The following FAM217B variants were observed in gnomAD, a reference collection of about 807,000 sequenced individuals.
FAM217B encodes family with sequence similarity 217 member B.
For missense variants in FAM217B, 463 were observed against 456.9 expected (o/e 1.01, Z -0.12); for synonymous variants, 163 against 173.0 (o/e 0.94, Z 0.45).
upstream of FAM217B, chr20:59,939,388 CACGCTCCAGGCACACGA>C: frequency 6.2e-7 from 1 of 1,610,772 alleles, no homozygotes; most frequent in Non-Finnish European, 8.5e-7. Flanking sequence ...GAGCAAGTGA[CACGCTCCAGGCACACGA>C]GCTGCCGCTG....
chr20:59,939,870 G>C (rs760032572), upstream of FAM217B: 4 of 1,247,526 alleles, frequency 3.2e-6, no homozygotes, highest in Non-Finnish European at 4.0e-6. Flanking sequence ...GAGGCTCCGG[G>C]GGCCGAGCTT....
upstream of FAM217B, chr20:59,939,963 G>A (rs781215957): frequency 2.4e-6 from 3 of 1,257,844 alleles, no homozygotes; most frequent in East Asian, 6.2e-5. Context: ...ATGAGGCAGG[G>A]ATGAGAGACG....
At chr20:59,934,171 G>A (rs1053519818) in intron 1 of FAM217B, among the ~76,000 whole-genome samples, 6 of 152,188 alleles carry the variant, frequency 3.9e-5, no homozygotes, top group South Asian at 4.1e-4. Context: ...GCTCCTGCCG[G>A]CAGGGGGCGC....
In FAM217B at chr20:59,944,949, G is replaced by C. The variant is rs1164511152; in HGVS notation, c.1006G>C (p.Ala336Pro). The C allele has an allele frequency of 6.2e-7, 1 of 1,614,062 alleles. No individual in the cohort carries two copies. The highest frequency in any genetic ancestry group is 1.3e-5 in the African/African-American group (1 of 74,914). The change falls in exon 4 of 4, where the codon GCA becomes CCA. Residue 336 changes from alanine to proline, a missense_variant. Transcript: ENST00000360816. ...PKQAAVILDS[A>P]DSCKASKTQA... ...ACAGGCAGCTGTGATTCTGGACTCA[G>C]CAGATTCCTGTAAGGCCTCCAAAAC...
chr20:59,944,913 C>T lies in FAM217B; in HGVS notation c.970C>T (p.Arg324Ter), dbSNP rs760895424. 1.2e-5 allele frequency: 19 copies of T among 1,614,034 alleles called. No individual in the cohort carries two copies. Among genetic ancestry groups the T allele is most frequent in the East Asian group, 6.7e-5 (3 of 44,880 alleles). ...TAAGGTGGAAACCAGCGGTCACATT[C>T]GAGTTCCCAAACAGGCAGCTGTGAT... ...SSKVETSGHI[R>*]VPKQAAVILD... is the part of the protein sequence containing the mutation. The change falls in exon 4 of 4, where the codon CGA (arginine) becomes TGA (stop). Residue 324 changes from arginine to a stop codon, truncating the protein, a stop_gained. Coordinates refer to ENST00000360816, the MANE Select transcript of FAM217B (RefSeq NM_022106.3). LOFTEE classifies it low-confidence loss of function (END_TRUNC).
chr20:59,946,620 CT>C lies in FAM217B; in HGVS notation c.*1529del, dbSNP rs542376619. 1,555 of 167,006 alleles carry C rather than the reference CT, an allele frequency of 9.3e-3. 19 individuals carry two copies. The highest frequency in any genetic ancestry group is 0.016 in the Non-Finnish European group (1,112 of 68,064). The allele number at this position is 167,006 out of a possible 1,614,324, so 10.3% of individuals were successfully genotyped here. A position where few individuals can be genotyped will look rare whatever the true frequency, so the allele number is the denominator to read the frequency against. On this transcript the variant is annotated 3_prime_UTR_variant, in exon 4 of 4. Coordinates refer to ENST00000360816, the MANE Select transcript of FAM217B (RefSeq NM_022106.3). ...ATGACATAATATTTTTTATGGTAGC[CT>C]TTTACTTTCAAGACTTAATTTTCAG...
At chr20:59,935,981 G>A (rs899276127), upstream of FAM217B, among the ~76,000 whole-genome samples, 12 of 152,200 alleles carry the variant, frequency 7.9e-5, no homozygotes, top group African/African-American at 4.8e-5. Flanking sequence ...TAAGTTCTGA[G>A]AAAGGTGTCC....
intron 1 of FAM217B, among the ~76,000 whole-genome samples, chr20:59,941,710 C>T (rs1223485602): frequency 1.3e-5 from 2 of 152,192 alleles, no homozygotes; most frequent in East Asian, 1.9e-4. Context: ...TGGGAACGTT[C>T]CTCCTAGAGT....
At chr20:59,939,744 C>T (rs1215722513), upstream of FAM217B, 74 of 1,233,206 alleles carry the variant, frequency 6.0e-5, no homozygotes, top group Non-Finnish European at 7.3e-5. Flanking sequence ...GGGCCGCAGG[C>T]GGGGGTCGCA....
upstream of FAM217B, chr20:59,939,100 T>C (rs1474912969): frequency 1.3e-6 from 2 of 1,597,068 alleles, no homozygotes; most frequent in African/African-American, 2.7e-5. Context: ...TTGCGACATG[T>C]GAGGCTGTAG....
chr20:59,944,181 C>A lies in FAM217B; in HGVS notation c.238C>A (p.Gln80Lys), dbSNP rs2060921813. ...AGGGAATAAACTGTTTCTTGATTTT[C>A]AGTCAATGAAAATTATTAAAGAGAA... is the stretch of plus-strand genomic sequence containing the variant. ...ASGNKLFLDF[Q>K]SMKIIKENAD... The change falls in exon 4 of 4, where the codon CAG becomes AAG. Residue 80 changes from glutamine to lysine, a missense_variant. Gln to Lys is a moderately conservative substitution (Grantham distance 53, BLOSUM62 1). Coordinates refer to ENST00000360816, the MANE Select transcript of FAM217B (RefSeq NM_022106.3). 6.2e-7 allele frequency: 1 copy of A among 1,613,998 alleles called. No homozygotes were observed. Among genetic ancestry groups the A allele is most frequent in the Non-Finnish European group, 8.5e-7 (1 of 1,180,012 alleles).
In FAM217B at chr20:59,948,005, A is replaced by G; in HGVS notation, c.*2910A>G. The G allele has an allele frequency of 6.0e-6, 1 of 166,002 alleles. No individual in the cohort carries two copies. Among genetic ancestry groups the G allele is most frequent in the Non-Finnish European group, 1.5e-5 (1 of 67,932 alleles). The allele number at this position is 166,002 out of a possible 1,614,324, so 10.3% of individuals were successfully genotyped here. On this transcript the variant is annotated 3_prime_UTR_variant, in exon 4 of 4. Coordinates refer to ENST00000360816, the MANE Select transcript of FAM217B (RefSeq NM_022106.3). The stretch of plus-strand genomic sequence containing the variant: ...GGGGAGTTGTTTACATATACCCTGC[A>G]TTTAAACCAATTAAAACAATCCAAG...
upstream of FAM217B, among the ~76,000 whole-genome samples, chr20:59,936,218 C>A (rs2060861231): frequency 6.6e-6 from 1 of 152,104 alleles, no homozygotes; most frequent in Admixed American, 6.6e-5. Context: ...GGTATAATTC[C>A]ATGGATCCAC....
In FAM217B at chr20:59,946,153, T is replaced by C. The variant is rs1316832694; in HGVS notation, c.*1058T>C. 3 of 167,054 alleles carry C rather than the reference T, an allele frequency of 1.8e-5. No homozygotes were observed. The highest frequency in any genetic ancestry group is 7.2e-5 in the African/African-American group (3 of 41,436). The allele number at this position is 167,054 out of a possible 1,614,324, so 10.3% of individuals were successfully genotyped here. A position where few individuals can be genotyped will look rare whatever the true frequency, so the allele number is the denominator to read the frequency against. Reference sequence around the variant, plus strand: ...GCGGGAGAGTGGAATATGAGTAAGGTTGCTGAATGAATTCTAAACTCGCTT... The same window carrying C: ...GCGGGAGAGTGGAATATGAGTAAGGCTGCTGAATGAATTCTAAACTCGCTT... On this transcript the variant is annotated 3_prime_UTR_variant, in exon 4 of 4. Coordinates refer to ENST00000360816, the MANE Select transcript of FAM217B (RefSeq NM_022106.3).
upstream of FAM217B, among the ~76,000 whole-genome samples, chr20:59,936,048 G>C (rs1430537415): frequency 6.6e-6 from 1 of 152,182 alleles, no homozygotes; most frequent in Admixed American, 6.5e-5. Flanking sequence ...CAAAAACCTA[G>C]ATGGTATAGC....
chr20:59,939,640 T>C (rs1487203666), upstream of FAM217B: 6 of 1,560,866 alleles, frequency 3.8e-6, no homozygotes, highest in African/African-American at 8.4e-5. Context: ...AGCTTCTGGC[T>C]GCAGCCCGGC....
At chr20:59,938,535 T>C (rs2060875628), upstream of FAM217B, 1 of 152,652 alleles carries the variant, frequency 6.6e-6, no homozygotes, top group African/African-American at 2.4e-5. Context: ...GGTCACACTG[T>C]ACATTCTGTT....
chr20:59,939,611 G>A, upstream of FAM217B: 3 of 1,590,246 alleles, frequency 1.9e-6, no homozygotes, highest in Non-Finnish European at 1.7e-6. Flanking sequence ...AGCCCAGGGC[G>A]TCGGCGAAGC....
chr20:59,938,901 G>T, upstream of FAM217B: 1 of 875,252 alleles, frequency 1.1e-6, no homozygotes, highest in Non-Finnish European at 1.6e-6. Flanking sequence ...AGGGGACCTT[G>T]CAGCAGAAAA....
Sources: gnomAD v4.1 joint callset for allele counts (sites outside exome capture counted in the v4.1 genomes callset) on GRCh38, gnomAD v4.1.1 for gene constraint, MANE v1.5 for transcripts, NCBI Gene and HGNC (gene_info 2026-07-23, HGNC 2026-07-21) for gene names.